The following DENND4A variants were observed in gnomAD, a reference collection of about 807,000 sequenced individuals.
DENND4A encodes C-myc promoter-binding protein.
DENND4A carries 70 observed loss-of-function variants against 199.3 expected under a neutral mutation model. The observed-to-expected ratio is 0.35, with a 90% CI of 0.29 to 0.43. DENND4A has a LOEUF of 0.43. Ranked by LOEUF, DENND4A falls within the 20% of genes least tolerant of loss-of-function variation. DENND4A has a pLI of 1.00. For missense variants in DENND4A, 1,723 were observed against 2,255.8 expected (o/e 0.76, Z 4.78); for synonymous variants, 686 against 766.9 (o/e 0.89, Z 1.74).
chr15:65,664,756 T>C (rs2075980722), intron 30 of DENND4A, 34 bp from the exon 31 acceptor site: 4 of 1,576,492 alleles, frequency 2.5e-6, no homozygotes. Context: ...TGAAGGAAAA[T>C]GTTCTGTGTA....
chr15:65,708,947 G>A (rs776344080), intron 14 of DENND4A, among the ~76,000 whole-genome samples: 23 of 152,090 alleles, frequency 1.5e-4, no homozygotes, highest in Admixed American at 6.5e-4. Context: ...AGTATTACCC[G>A]CTCCAGCTTT....
intron 23 of DENND4A, among the ~76,000 whole-genome samples, chr15:65,678,933 T>C (rs1278734161): frequency 6.6e-6 from 1 of 152,084 alleles, no homozygotes; most frequent in East Asian, 1.9e-4. Context: ...TCAAGTGATA[T>C]GCCTGCCTTG....
chr15:65,700,807 T>A (rs2074842116), intron 19 of DENND4A, 132 bp from the exon 20 acceptor site: 1 of 1,025,808 alleles, frequency 9.7e-7, no homozygotes. Flanking sequence ...AATACAACTA[T>A]AACAAAGAAA....
chr15:65,670,685 G>A (rs1465614442), intron 25 of DENND4A, among the ~76,000 whole-genome samples: 1 of 152,102 alleles, frequency 6.6e-6, no homozygotes, highest in Non-Finnish European at 1.5e-5. Flanking sequence ...TATTAGCTAT[G>A]ACAGATTAGA....
Position 65,706,207 on chromosome 15 carries a change from G to A in DENND4A, c.1971C>T (p.Ser657=), listed in dbSNP as rs535207731. Residue 657 remains serine (S), a synonymous_variant, in exon 15 of 33, where the codon AGC becomes AGT. Coordinates refer to ENST00000443035, the MANE Select transcript of DENND4A (RefSeq NM_001320835.1). ...DCVDKVDMDK[S]GEVRLIELDE... ...CCAGTTCTATAAGTCGTACTTCACC[G>A]CTCTTGTCCATATCCACCTAAAGGA... 72 of 1,575,478 alleles carry A rather than the reference G, an allele frequency of 4.6e-5. 1 individual carries two copies. The South Asian group carries it at 6.6e-4, about 14-fold the overall frequency.
In DENND4A at chr15:65,737,886, C is replaced by A; in HGVS notation, c.861G>T (p.Lys287Asn). 2 of 1,604,296 alleles carry A rather than the reference C, an allele frequency of 1.2e-6. No homozygotes were observed. Among genetic ancestry groups the A allele is most frequent in the Non-Finnish European group, 1.7e-6 (2 of 1,174,940 alleles). ...ATGTTAAACCCAAAAGAAGTCTCTG[C>A]TTTTCTGTGAGATTCTCCTCAGAGT... ...EPYSEENLTE[K>N]QRLLLGLTSA... is the part of the protein sequence containing the mutation. Residue 287 changes from lysine to asparagine, a missense_variant, in exon 7 of 33, where the codon AAG (lysine) becomes AAT (asparagine). Physicochemically the swap from Lys to Asn is moderately conservative, Grantham distance 94 (BLOSUM62 0). Around this residue, in one of 6 missense-constraint regions of DENND4A, gnomAD observed 725 missense variants for 952.9 expected, o/e 0.76. Coordinates refer to ENST00000443035, the MANE Select transcript of DENND4A (RefSeq NM_001320835.1).
intron 1 of DENND4A, among the ~76,000 whole-genome samples, chr15:65,774,307 A>G (rs2077219396): frequency 6.6e-6 from 1 of 152,140 alleles, no homozygotes. Flanking sequence ...CCTGACCAAC[A>G]TGGAGAAACC....
intron 14 of DENND4A, among the ~76,000 whole-genome samples, chr15:65,709,428 G>A (rs6494534): frequency 0.21 from 32,574 of 151,826 alleles, 3,993 homozygotes; most frequent in African/African-American, 0.33. Context: ...ATTTTGAGCC[G>A]GGCACGGCGG....
chr15:65,698,483 A>G (rs534821145), intron 20 of DENND4A, among the ~76,000 whole-genome samples: 1 of 152,252 alleles, frequency 6.6e-6, no homozygotes, highest in South Asian at 2.1e-4. Context: ...GTAAAACGTA[A>G]GGTTGTTATT....
intron 1 of DENND4A, among the ~76,000 whole-genome samples, chr15:65,782,288 C>T (rs762957359): frequency 4.6e-5 from 7 of 152,146 alleles, no homozygotes; most frequent in Non-Finnish European, 1.0e-4. Context: ...CTTGATATTC[C>T]TCTTTCCTCA....
Position 65,729,224 on chromosome 15 carries a change from T to A in DENND4A, c.1335A>T (p.Pro445=). 1 of 1,581,072 alleles carries A rather than the reference T, an allele frequency of 6.3e-7. No homozygotes were observed. Among genetic ancestry groups the A allele is most frequent in the Middle Eastern group, 1.7e-4 (1 of 6,026 alleles). ...GTGGGCAGAGAGGAACATACGGGCA[T>A]GGCCAGTGGAAAGGGAAAATCATCT... ...LVSMIFPFHW[P]CPYVPLCPLA... is the part of the protein sequence containing the mutation. The change falls in exon 11 of 33, where the codon CCA becomes CCT. Residue 445 remains proline (P), a synonymous_variant. Coordinates refer to ENST00000443035, the MANE Select transcript of DENND4A (RefSeq NM_001320835.1).
At chr15:65,780,317 C>T (rs937868015) in intron 1 of DENND4A, among the ~76,000 whole-genome samples, 3 of 152,118 alleles carry the variant, frequency 2.0e-5, no homozygotes, top group Admixed American at 6.5e-5. Context: ...AGAGAAAAGG[C>T]TAGTTAAATG....
At chr15:65,703,571 A>C (rs2074945652) in intron 15 of DENND4A, among the ~76,000 whole-genome samples, 1 of 152,220 alleles carries the variant, frequency 6.6e-6, no homozygotes, top group South Asian at 2.1e-4. Flanking sequence ...GAGAAAGAAA[A>C]TTGAGAAGGC....
At chr15:65,717,187 C>CTA (rs1276627876) in intron 13 of DENND4A, among the ~76,000 whole-genome samples, 1 of 151,932 alleles carries the variant, frequency 6.6e-6, no homozygotes, top group African/African-American at 2.4e-5. Flanking sequence ...TTGCATACCA[C>CTA]TATATATCCA....
chr15:65,765,173 G>GC lies in DENND4A; in HGVS notation c.-101-3736dup, dbSNP rs2076950813. ...AGAAGATGAGGCTGACACAAAACTG[G>GC]CATCACTTAAGTGTTTGCAAAGTTC... On this transcript the variant is annotated intron_variant, in intron 1 of 32. Coordinates refer to ENST00000443035, the MANE Select transcript of DENND4A (RefSeq NM_001320835.1). Among the ~76,000 whole-genome samples, 3 of 152,086 alleles carry GC rather than the reference G, an allele frequency of 2.0e-5. No homozygotes were observed. The South Asian group carries it at 6.2e-4, about 31-fold the overall frequency.
At chr15:65,777,928 G>A (rs2077324754) in intron 1 of DENND4A, among the ~76,000 whole-genome samples, 1 of 152,110 alleles carries the variant, frequency 6.6e-6, no homozygotes, top group Non-Finnish European at 1.5e-5. Context: ...CCAGCTACTG[G>A]AAGGCTGAGG....
chr15:65,700,526 A>G lies in DENND4A; in HGVS notation c.2833+18T>C. 7.2e-7 allele frequency: 1 copy of G among 1,387,674 alleles called. No homozygotes were observed. Among genetic ancestry groups the G allele is most frequent in the Non-Finnish European group, 9.5e-7 (1 of 1,056,658 alleles). 86.0% of individuals were successfully genotyped at this position (1,387,674 alleles called of 1,614,324 possible). A position where few individuals can be genotyped will look rare whatever the true frequency, so the allele number is the denominator to read the frequency against. ...TAAAAATGTACTATAATAAATGTATACATAAGCATACACAAACCTGTACTA... is the reference window on the plus strand; with the variant it reads ...TAAAAATGTACTATAATAAATGTATGCATAAGCATACACAAACCTGTACTA... On this transcript the variant is annotated intron_variant, in intron 20 of 32. Coordinates refer to ENST00000443035, the MANE Select transcript of DENND4A (RefSeq NM_001320835.1).
At chr15:65,684,786 C>A (rs909143246) in intron 23 of DENND4A, among the ~76,000 whole-genome samples, 1 of 142,758 alleles carries the variant, frequency 7.0e-6, no homozygotes, top group Admixed American at 7.0e-5. Context: ...AATTCAAGGT[C>A]TTAAAAGATT....
chr15:65,789,350 C>T (rs1596724729), intron 1 of DENND4A, among the ~76,000 whole-genome samples: 1 of 150,964 alleles, frequency 6.6e-6, no homozygotes, highest in Non-Finnish European at 1.5e-5. Context: ...CCTCATAGGG[C>T]CTAATCACTT....
Sources: allele counts gnomAD v4.1 joint callset (sites outside exome capture counted in the v4.1 genomes callset), GRCh38; gene constraint gnomAD v4.1.1; regional missense constraint gnomAD v4.1.1; transcripts MANE v1.5; gene names NCBI Gene and HGNC (gene_info 2026-07-23, HGNC 2026-07-21).